GRK2: variants seen among roughly 807,000 people sequenced by gnomAD.
GRK2 encodes adrenergic beta receptor kinase 1.
A neutral mutation model predicts 97.8 loss-of-function variants in GRK2; 23 were observed. That is an observed-to-expected ratio of 0.24 (90% CI 0.17 to 0.33). The LOEUF is 0.33. GRK2 is among the 10% of genes least tolerant of loss of function. GRK2 has a pLI of 1.00. For synonymous variants in GRK2, 425 were observed against 381.7 expected, an observed-to-expected ratio of 1.11 and a Z score of -1.32; for missense variants, 633 against 956.9, an observed-to-expected ratio of 0.66 and a Z score of 4.47.
rs1439056932 is a variant in GRK2, at chr11:67,269,043, C to T, written c.113+2231C>T. 1.3e-5 allele frequency among the ~76,000 whole-genome samples: 2 copies of T among 152,236 alleles called. No homozygotes were observed. The highest frequency in any genetic ancestry group is 2.9e-5 in the Non-Finnish European group (2 of 68,038). ...CTGTGAAACGGACTGGAGGTGCGAG[C>T]GCCGAATGTCAGTGCGCTAAGGCCT... On this transcript the variant is annotated intron_variant, in intron 1 of 20. Transcript: ENST00000308595. The surrounding 1 kb of genome is among the most constrained non-coding windows in gnomAD (Gnocchi z 4.1).
At position 67,281,466 on chromosome 11, in the gene GRK2, A is replaced by G; in HGVS notation, c.655A>G (p.Met219Val). 1 of 1,613,554 alleles carries G rather than the reference A, an allele frequency of 6.2e-7. No individual in the cohort carries two copies. The highest frequency in any genetic ancestry group is 8.5e-7 in the Non-Finnish European group (1 of 1,179,934). ...CCGACCTCTGCCCCGTAGGTACGCCATGAAGTGCCTGGACAAAAAGCGCAT... is the reference window on the plus strand; with the variant it reads ...CCGACCTCTGCCCCGTAGGTACGCCGTGAAGTGCCTGGACAAAAAGCGCAT... ...RKADTGKMYA[M>V]KCLDKKRIKM... Residue 219 changes from methionine (M) to valine (V), a missense_variant, in exon 9 of 21, where the codon ATG (methionine) becomes GTG (valine). Around this residue, in one of 4 missense-constraint regions of GRK2, gnomAD observed 192 missense variants for 362.3 expected, o/e 0.53. Coordinates refer to ENST00000308595, the MANE Select transcript of GRK2 (RefSeq NM_001619.5). The surrounding 1 kb of genome is among the most constrained non-coding windows in gnomAD (Gnocchi z 5.7).
In GRK2 at chr11:67,285,583, C is replaced by A; in HGVS notation, c.*133C>A. ...GTGGCCCCAGCCTGGCCCAGCTCCC[C>A]CGGGAGGGGCCCGCTTGCCTCGGCT... On this transcript the variant is annotated 3_prime_UTR_variant, in exon 21 of 21. Transcript: ENST00000308595. 18 of 1,187,320 alleles carry A rather than the reference C, an allele frequency of 1.5e-5. No individual in the cohort carries two copies. Among genetic ancestry groups the A allele is most frequent in the Non-Finnish European group, 1.9e-5 (17 of 884,458 alleles). The allele number at this position is 1,187,320 out of a possible 1,614,324, so 73.5% of individuals were successfully genotyped here. A position where few individuals can be genotyped will look rare whatever the true frequency, so the allele number is the denominator to read the frequency against.
chr11:67,281,260 C>A lies in GRK2; in HGVS notation c.647+76C>A. 2.2e-6 allele frequency: 3 copies of A among 1,349,254 alleles called. No individual in the cohort carries two copies. The highest frequency in any genetic ancestry group is 3.1e-6 in the Non-Finnish European group (3 of 956,742). The allele number at this position is 1,349,254 out of a possible 1,614,324, so 83.6% of individuals were successfully genotyped here. Reference sequence around the variant, plus strand: ...GGGGACCCTGACAGGCCGGGTTCCACACAGGGCCACCTGCTGCTCCATGCA... The same window carrying A: ...GGGGACCCTGACAGGCCGGGTTCCAAACAGGGCCACCTGCTGCTCCATGCA... On this transcript the variant is annotated intron_variant, in intron 8 of 20. Coordinates refer to ENST00000308595, the MANE Select transcript of GRK2 (RefSeq NM_001619.5). The surrounding 1 kb of genome is among the most constrained non-coding windows in gnomAD (Gnocchi z 5.7).
chr11:67,285,400 G>T lies in GRK2; in HGVS notation c.2020G>T (p.Glu674Ter), dbSNP rs756347417. Residue 674 changes from glutamate (E) to a stop codon, truncating the protein, a stop_gained, in exon 21 of 21, where the codon GAG becomes TAG. Transcript: ENST00000308595. LOFTEE classifies it high-confidence loss of function. ...GAACAAGCCGCGCTCGCCCGTGGTG[G>T]AGCTGAGCAAGGTGCCGCTGGTCCA... ...MKNKPRSPVV[E>*]LSKVPLVQRG... The T allele has an allele frequency of 6.2e-7, 1 of 1,607,690 alleles. No homozygotes were observed.
At chr11:67,266,843 G>A (rs1281258118) in intron 1 of GRK2, 31 bp downstream of exon 1, 4 of 1,121,444 alleles carry the variant, frequency 3.6e-6, no homozygotes, top group Non-Finnish European at 3.4e-6. Context: ...GCCCCGGCCC[G>A]ACCCCGCGGG....
Position 67,285,584 on chromosome 11 carries a change from C to T in GRK2, c.*134C>T, listed in dbSNP as rs761209071. ...TGGCCCCAGCCTGGCCCAGCTCCCC[C>T]GGGAGGGGCCCGCTTGCCTCGGCTC... On this transcript the variant is annotated 3_prime_UTR_variant, in exon 21 of 21. Transcript: ENST00000308595. 202 of 1,188,340 alleles carry T rather than the reference C, an allele frequency of 1.7e-4. No homozygotes were observed. The highest frequency in any genetic ancestry group is 2.2e-4 in the Non-Finnish European group (195 of 885,854). The allele number at this position is 1,188,340 out of a possible 1,614,324, so 73.6% of individuals were successfully genotyped here.
chr11:67,273,515 G>A (rs1203359333), intron 1 of GRK2, among the ~76,000 whole-genome samples: 1 of 151,862 alleles, frequency 6.6e-6, no homozygotes, highest in Non-Finnish European at 1.5e-5. Flanking sequence ...ACCCTGGCAG[G>A]AGCTGCCCCC....
intron 1 of GRK2, among the ~76,000 whole-genome samples, chr11:67,268,482 C>T (rs1002627872): frequency 5.3e-5 from 8 of 152,116 alleles, no homozygotes; most frequent in Admixed American, 4.6e-4. Flanking sequence ...GACAAACCCA[C>T]GAGGGAGGAA....
Position 67,286,284 on chromosome 11 carries a change from GTGCCCCCC to G in GRK2, c.*835_*842del. On this transcript the variant is annotated 3_prime_UTR_variant, in exon 21 of 21. Coordinates refer to ENST00000308595, the MANE Select transcript of GRK2 (RefSeq NM_001619.5). ...AGGAGGCTGGCTGGGGCCTATCAGT[GTGCCCCCC>G]ATCCTGGCCCATCAGTGTACCCCCG... is the stretch of plus-strand genomic sequence containing the variant. The G allele has an allele frequency of 1.6e-6, 1 of 635,560 alleles. No individual in the cohort carries two copies. The highest frequency in any genetic ancestry group is 2.8e-6 in the Non-Finnish European group (1 of 355,034). 39.4% of individuals were successfully genotyped at this position (635,560 alleles called of 1,614,324 possible).
At chr11:67,270,932 T>C (rs1859893166) in intron 1 of GRK2, 1 of 152,156 alleles carries the variant, frequency 6.6e-6, no homozygotes, top group Non-Finnish European at 1.5e-5. Context: ...CAATTCCTAG[T>C]AGTAAGTTCC....
At chr11:67,273,589 A>T (rs1009523813) in intron 1 of GRK2, among the ~76,000 whole-genome samples, 2 of 151,956 alleles carry the variant, frequency 1.3e-5, no homozygotes, top group African/African-American at 4.8e-5. Flanking sequence ...TAGACAGGAA[A>T]CCCTAAAATT....
Position 67,282,946 on chromosome 11 carries a change from A to G in GRK2, c.1227+128A>G. ...ACTGACCCCTACTCTGGCCTCTGAG[A>G]CAGACCTCCTGCCCCATAGGCTCTC... On this transcript the variant is annotated intron_variant, in intron 14 of 20. Transcript: ENST00000308595. This position sits in a 1 kb window ranked among gnomAD's most constrained non-coding sequence, Gnocchi z 6.9. 1 of 1,201,944 alleles carries G rather than the reference A, an allele frequency of 8.3e-7. No homozygotes were observed. The allele number at this position is 1,201,944 out of a possible 1,614,324, so 74.5% of individuals were successfully genotyped here.
Position 67,268,860 on chromosome 11 carries a change from C to T in GRK2, c.113+2048C>T, listed in dbSNP as rs150346401. Among the ~76,000 whole-genome samples the T allele has an allele frequency of 4.6e-5, 7 of 152,374 alleles. 2 individuals carry two copies. The highest frequency in any genetic ancestry group is 1.7e-4 in the African/African-American group (7 of 41,588). On this transcript the variant is annotated intron_variant, in intron 1 of 20. Transcript: ENST00000308595. The stretch of plus-strand genomic sequence containing the variant: ...GGCCATGCCTTGCATGTAGTAGTTG[C>T]TCAAGAAATACCAGGACTGTGTGGC...
rs1485522735 is a variant in GRK2, at chr11:67,269,263, T to TA, written c.113+2452dup. On this transcript the variant is annotated intron_variant, in intron 1 of 20. Coordinates refer to ENST00000308595, the MANE Select transcript of GRK2 (RefSeq NM_001619.5). This position sits in a 1 kb window ranked among gnomAD's most constrained non-coding sequence, Gnocchi z 4.1. ...ACTTTTCCACTTGCAGAGTGCTTTT[T>TA]ACTCTGTTTTGTCCTTTTGACAACT... Among the ~76,000 whole-genome samples, 2 of 152,172 alleles carry TA rather than the reference T, an allele frequency of 1.3e-5. No homozygotes were observed. The highest frequency in any genetic ancestry group is 2.9e-5 in the Non-Finnish European group (2 of 68,014).
In GRK2 at chr11:67,281,046, C is replaced by T. The variant is rs371332526; in HGVS notation, c.556-47C>T. On this transcript the variant is annotated intron_variant, in intron 7 of 20. Coordinates refer to ENST00000308595, the MANE Select transcript of GRK2 (RefSeq NM_001619.5). This position sits in a 1 kb window ranked among gnomAD's most constrained non-coding sequence, Gnocchi z 5.7. ...CTGCCCAGGTGCCTCTGCCCCAGGG[C>T]TGGGCAGAGGCAGCCTGTGGTGACC... The T allele has an allele frequency of 3.0e-5, 46 of 1,527,290 alleles. No homozygotes were observed. Among genetic ancestry groups the T allele is most frequent in the Non-Finnish European group, 4.0e-5 (45 of 1,114,022 alleles). The allele number at this position is 1,527,290 out of a possible 1,614,324, so 94.6% of individuals were successfully genotyped here. A position where few individuals can be genotyped will look rare whatever the true frequency, so the allele number is the denominator to read the frequency against.
In GRK2 at chr11:67,284,784, T is replaced by A. The variant is rs892249193; in HGVS notation, c.1655-63T>A. ...AGCCTGGGCAACAGAGTGGAGACCC[T>A]GTCTCAAAACAAAAAAGAAACCCAG... On this transcript the variant is annotated intron_variant, in intron 18 of 20. Transcript: ENST00000308595. The A allele has an allele frequency of 1.9e-6, 3 of 1,570,362 alleles. No individual in the cohort carries two copies. In the African/African-American group the frequency reaches 4.1e-5, roughly 21 times the overall value.
intron 1 of GRK2, 48 bp downstream of exon 1, chr11:67,266,860 G>A: frequency 9.9e-7 from 1 of 1,008,036 alleles, no homozygotes; most frequent in South Asian, 4.1e-5. Flanking sequence ...CGGGCGCCCC[G>A]GCCGCGGCCC....
Position 67,286,153 on chromosome 11 carries a change from G to A in GRK2, c.*703G>A, listed in dbSNP as rs922390792. The stretch of plus-strand genomic sequence containing the variant: ...AGGGACCACAGCAAGGCACCTGCAG[G>A]TTGGGCCATACTGGCCTCGCCTGGC... On this transcript the variant is annotated 3_prime_UTR_variant, in exon 21 of 21. Coordinates refer to ENST00000308595, the MANE Select transcript of GRK2 (RefSeq NM_001619.5). 2 of 497,346 alleles carry A rather than the reference G, an allele frequency of 4.0e-6. No homozygotes were observed. Among genetic ancestry groups the A allele is most frequent in the Admixed American group, 8.0e-5 (2 of 25,134 alleles). The allele number at this position is 497,346 out of a possible 1,614,324, so 30.8% of individuals were successfully genotyped here.
At chr11:67,275,023 GT>G (rs1217089942) in intron 1 of GRK2, among the ~76,000 whole-genome samples, 3 of 152,184 alleles carry the variant, frequency 2.0e-5, no homozygotes, top group Admixed American at 2.0e-4. Flanking sequence ...GCCCATCCTT[GT>G]CTTCAGTGCC....
Sources: gnomAD v4.1 joint callset for allele counts (sites outside exome capture counted in the v4.1 genomes callset) on GRCh38, gnomAD v4.1.1 for gene constraint, gnomAD v4.1.1 regional missense constraint, Gnocchi (gnomAD v3.1) non-coding constraint, MANE v1.5 for transcripts, NCBI Gene and HGNC (gene_info 2026-07-23, HGNC 2026-07-21) for gene names.